AP2A1: variants seen among roughly 807,000 people sequenced by gnomAD.
AP2A1 encodes the protein AP-2 complex subunit alpha-1.
In AP2A1, 21 loss-of-function variants were observed where a neutral mutation model predicts 107.3. The observed-to-expected ratio is 0.20, with a 90% CI of 0.14 to 0.28. The LOEUF (loss-of-function observed/expected upper bound fraction) is 0.28, where lower values mean the gene tolerates loss of function less well. Ranked by LOEUF, AP2A1 falls within the 10% of genes least tolerant of loss-of-function variation. The pLI is 1.00. For missense variants in AP2A1, 873 were observed against 1,307.7 expected (o/e 0.67, Z 5.13); for synonymous variants, 602 against 564.8 (o/e 1.07, Z -0.93).
rs143398629 is a variant in AP2A1, at chr19:49,796,002, G to A, written c.814+264G>A. The A allele has an allele frequency of 2.9e-4, 140 of 477,856 alleles. 1 individual carries two copies. The highest frequency in any genetic ancestry group is 2.5e-3 in the Admixed American group (70 of 28,494). 29.6% of individuals were successfully genotyped at this position (477,856 alleles called of 1,614,324 possible). ...CGGGCTCTCACTCCAGCCCTGTTGCGAGGGACTGTTAACTGTGCCTGTTTT... is the reference window on the plus strand; with the variant it reads ...CGGGCTCTCACTCCAGCCCTGTTGCAAGGGACTGTTAACTGTGCCTGTTTT... On this transcript the variant is annotated intron_variant, in intron 7 of 22. Transcript: ENST00000354293.
chr19:49,787,326 C>CTTTTTTTT (rs201187935), intron 4 of AP2A1, among the ~76,000 whole-genome samples: 19 of 116,796 alleles, frequency 1.6e-4, no homozygotes, highest in African/African-American at 7.1e-4. Context: ...CCCATCTAGG[C>CTTTTTTTT]TTTTTTTGTT....
chr19:49,770,162 C>T (rs531467502), intron 1 of AP2A1, among the ~76,000 whole-genome samples: 1 of 152,106 alleles, frequency 6.6e-6, no homozygotes, highest in Non-Finnish European at 1.5e-5. Context: ...AGCCACTGCA[C>T]CCAGCCTGGG....
In AP2A1 at chr19:49,803,544, C is replaced by T; in HGVS notation, c.2344+168C>T. 3 of 648,264 alleles carry T rather than the reference C, an allele frequency of 4.6e-6. No homozygotes were observed. The South Asian group carries it at 5.4e-5, about 12-fold the overall frequency. 40.2% of individuals were successfully genotyped at this position (648,264 alleles called of 1,614,324 possible). A position where few individuals can be genotyped will look rare whatever the true frequency, so the allele number is the denominator to read the frequency against. On this transcript the variant is annotated intron_variant, in intron 18 of 22. Coordinates refer to ENST00000354293, the MANE Select transcript of AP2A1 (RefSeq NM_130787.3). Reference sequence around the variant, plus strand: ...TGTTAAGATGGGGGTGGGATTCCTTCCCCCAGGACAGGGGATGACAGTGAA... The same window carrying T: ...TGTTAAGATGGGGGTGGGATTCCTTTCCCCAGGACAGGGGATGACAGTGAA...
At chr19:49,803,489 A>G (rs1020809260) in intron 18 of AP2A1, 113 bp downstream of exon 18, 7 of 830,822 alleles carry the variant, frequency 8.4e-6, no homozygotes, top group Admixed American at 8.1e-5. Context: ...TGGGCACGCA[A>G]TTAGTTCTCT....
chr19:49,776,172 C>T (rs1179792842), intron 1 of AP2A1, among the ~76,000 whole-genome samples: 1 of 152,120 alleles, frequency 6.6e-6, no homozygotes, highest in East Asian at 1.9e-4. Flanking sequence ...GGTCTGGCCC[C>T]ACCTGCTGTG....
At chr19:49,768,302 G>A (rs551815127) in intron 1 of AP2A1, among the ~76,000 whole-genome samples, 2 of 152,234 alleles carry the variant, frequency 1.3e-5, no homozygotes, top group Admixed American at 6.5e-5. Flanking sequence ...GAGCTGCCAG[G>A]AGTCTTCAGA....
rs530015578 is a variant in AP2A1, at chr19:49,772,902, G to T, written c.67+5702G>T. 6.6e-5 allele frequency among the ~76,000 whole-genome samples: 10 copies of T among 152,092 alleles called. No homozygotes were observed. In the South Asian group the frequency reaches 2.1e-3, roughly 32 times the overall value. ...AGAGAGGGATGGGATCTGACGCTGG[G>T]GAGTGGGCAGAGGCTAGGTCCGTGT... On this transcript the variant is annotated intron_variant, in intron 1 of 22. Coordinates refer to ENST00000354293, the MANE Select transcript of AP2A1 (RefSeq NM_130787.3).
At chr19:49,789,949 G>A (rs572355175) in intron 4 of AP2A1, among the ~76,000 whole-genome samples, 11 of 152,310 alleles carry the variant, frequency 7.2e-5, no homozygotes, top group African/African-American at 2.6e-4. Flanking sequence ...GCTGGGTTAT[G>A]GTTGGGGCCT....
intron 4 of AP2A1, among the ~76,000 whole-genome samples, chr19:49,783,155 G>C (rs1323469650): frequency 6.6e-6 from 1 of 152,166 alleles, no homozygotes; most frequent in African/African-American, 2.4e-5. Flanking sequence ...CTGTGTTCAT[G>C]GTCTGGAGCA....
chr19:49,804,793 G>T (rs373416382), intron 18 of AP2A1: 1 of 152,238 alleles, frequency 6.6e-6, no homozygotes, highest in African/African-American at 2.4e-5. Flanking sequence ...TGTTGCCCAG[G>T]CTGGTCTCAA....
intron 1 of AP2A1, among the ~76,000 whole-genome samples, chr19:49,768,880 C>G (rs2084529826): frequency 6.6e-6 from 1 of 152,198 alleles, no homozygotes; most frequent in Admixed American, 6.5e-5. Flanking sequence ...CATTCATTCA[C>G]TTGACAAATA....
rs766467556 is a variant in AP2A1, at chr19:49,792,041, C to T, written c.580C>T (p.His194Tyr). ...PMGEWTARVV[H>Y]LLNDQHMGVV... ...GGGCGAGTGGACGGCGCGTGTGGTA[C>T]ACCTGCTCAATGACCAGCACATGGT... Residue 194 changes from histidine to tyrosine, a missense_variant, in exon 5 of 23, where the codon CAC (histidine) becomes TAC (tyrosine). This residue lies in a region of AP2A1 where 157 missense variants were observed against 212.6 expected (regional missense o/e 0.74). Coordinates refer to ENST00000354293, the MANE Select transcript of AP2A1 (RefSeq NM_130787.3). 1.9e-6 allele frequency: 3 copies of T among 1,612,492 alleles called. No homozygotes were observed. Among genetic ancestry groups the T allele is most frequent in the South Asian group, 1.1e-5 (1 of 91,030 alleles).
rs749203502 is a variant in AP2A1, at chr19:49,806,146, G to C, written c.2683G>C (p.Asp895His). 1 of 1,571,876 alleles carries C rather than the reference G, an allele frequency of 6.4e-7. No homozygotes were observed. Among genetic ancestry groups the C allele is most frequent in the South Asian group, 1.2e-5 (1 of 86,236 alleles). The change falls in exon 22 of 23, where the codon GAC (aspartate) becomes CAC (histidine). Residue 895 changes from aspartate to histidine, a missense_variant. Asp to His is a moderately conservative substitution (Grantham distance 81). Around this residue, in one of 4 missense-constraint regions of AP2A1, gnomAD observed 416 missense variants for 473.4 expected, o/e 0.88. Coordinates refer to ENST00000354293, the MANE Select transcript of AP2A1 (RefSeq NM_130787.3). ...KLLGFGSALL[D>H]NVDPNPENFV... Reference sequence around the variant, plus strand: ...TCTGGGGTTTGGCTCTGCTCTCCTGGACAATGTGGACCCCAACCCTGAGAA... The same window carrying C: ...TCTGGGGTTTGGCTCTGCTCTCCTGCACAATGTGGACCCCAACCCTGAGAA...
intron 4 of AP2A1, among the ~76,000 whole-genome samples, chr19:49,787,451 A>G (rs753412921): frequency 2.7e-5 from 4 of 146,532 alleles, no homozygotes; most frequent in Admixed American, 6.8e-5. Flanking sequence ...AAGTTCAAGC[A>G]ATTCTCTTGT....
Position 49,805,865 on chromosome 19 carries a change from TCCC to T in AP2A1, c.2586-5_2586-3del. The T allele has an allele frequency of 1.2e-6, 2 of 1,613,586 alleles. No individual in the cohort carries two copies. Among genetic ancestry groups the T allele is most frequent in the African/African-American group, 1.3e-5 (1 of 75,004 alleles). ...AGGTCCCTGACTTGAACCTTCCCGG[TCCC>T]CAGCCCTCAACAGGAGGCGCAGAAA... is the stretch of plus-strand genomic sequence containing the variant. On this transcript the variant is annotated splice_region_variant and splice_polypyrimidine_tract_variant and intron_variant, in intron 20 of 22. Transcript: ENST00000354293.
intron 7 of AP2A1, 54 bp from the exon 8 acceptor site, chr19:49,798,748 G>C: frequency 6.4e-7 from 1 of 1,571,466 alleles, no homozygotes; most frequent in South Asian, 1.2e-5. Context: ...CACCCCAGCA[G>C]GTGTGCCAGG....
chr19:49,802,351 T>A, intron 15 of AP2A1: 1 of 853,602 alleles, frequency 1.2e-6, no homozygotes, highest in Non-Finnish European at 1.9e-6. Flanking sequence ...CCGCCGACCC[T>A]GGCCACCCTT....
chr19:49,781,169 C>T (rs1305738915), intron 1 of AP2A1, among the ~76,000 whole-genome samples: 1 of 152,034 alleles, frequency 6.6e-6, no homozygotes, highest in African/African-American at 2.4e-5. Flanking sequence ...TAGGAATGTC[C>T]CAGACAAATT....
chr19:49,794,263 TG>T (rs1203971590), intron 6 of AP2A1, among the ~76,000 whole-genome samples: 1 of 149,676 alleles, frequency 6.7e-6, no homozygotes, highest in Non-Finnish European at 1.5e-5. Flanking sequence ...TCGCCCAGGC[TG>T]GAGTGCAGTA....
Sources: allele counts gnomAD v4.1 joint callset (sites outside exome capture counted in the v4.1 genomes callset), GRCh38; gene constraint gnomAD v4.1.1; regional missense constraint gnomAD v4.1.1; transcripts MANE v1.5; gene names NCBI Gene and HGNC (gene_info 2026-07-23, HGNC 2026-07-21).